Variants in CACNA1C observed in about 807,000 individuals in gnomAD.
CACNA1C encodes the protein calcium voltage-gated channel subunit alpha1 C.
CACNA1C carries 30 observed loss-of-function variants against 229.0 expected under a neutral mutation model. The observed-to-expected ratio is 0.13, with a 90% CI of 0.10 to 0.18. The LOEUF (loss-of-function observed/expected upper bound fraction) is 0.18, where lower values mean the gene tolerates loss of function less well. Ranked by LOEUF, CACNA1C falls within the 10% of genes least tolerant of loss-of-function variation. The pLI is 1.00. For synonymous variants in CACNA1C, 1,114 were observed against 1,132.5 expected (o/e 0.98, Z 0.33); for missense variants, 1,658 against 2,845.0 (o/e 0.58, Z 9.49).
intron 9 of CACNA1C, among the ~76,000 whole-genome samples, chr12:2,535,692 C>G (rs2099852244): frequency 2.3e-5 from 2 of 88,766 alleles, no homozygotes; most frequent in African/African-American, 8.6e-5. Context: ...GGTGACAGAG[C>G]AAGACCCTGT....
chr12:2,496,570 A>G (rs1300952179), intron 7 of CACNA1C, among the ~76,000 whole-genome samples: 1 of 152,230 alleles, frequency 6.6e-6, no homozygotes, highest in Non-Finnish European at 1.5e-5. Flanking sequence ...TGGATGATAC[A>G]GTATCTTTCT....
chr12:2,384,991 C>T (rs2154546655), intron 3 of CACNA1C, among the ~76,000 whole-genome samples: 1 of 152,266 alleles, frequency 6.6e-6, no homozygotes, highest in Non-Finnish European at 1.5e-5. Flanking sequence ...AGCCAACTGA[C>T]CGTGAAAGGA....
upstream of CACNA1C, among the ~76,000 whole-genome samples, chr12:2,052,541 G>C (rs1326044375): frequency 3.3e-5 from 5 of 149,580 alleles, no homozygotes; most frequent in African/African-American, 4.9e-5. Flanking sequence ...AGGAGAGAAC[G>C]CGGGCGGGGG....
chr12:2,422,429 C>T (rs2154556448), intron 3 of CACNA1C, among the ~76,000 whole-genome samples: 1 of 151,842 alleles, frequency 6.6e-6, no homozygotes, highest in East Asian at 1.9e-4. Flanking sequence ...TGGTGCCTCC[C>T]CAGCCATCTG....
chr12:2,317,139 T>C (rs1025340472), intron 3 of CACNA1C, among the ~76,000 whole-genome samples: 3 of 152,192 alleles, frequency 2.0e-5, no homozygotes, highest in African/African-American at 7.2e-5. Flanking sequence ...TCTCATACCA[T>C]CTAACAATTC....
chr12:2,240,835 C>T (rs1281883753), intron 3 of CACNA1C, among the ~76,000 whole-genome samples: 1 of 152,028 alleles, frequency 6.6e-6, no homozygotes, highest in African/African-American at 2.4e-5. Context: ...CCAGAGCTCC[C>T]CTCAGCAGTG....
chr12:2,465,580 A>C (rs1252198428), intron 5 of CACNA1C, among the ~76,000 whole-genome samples: 3 of 152,204 alleles, frequency 2.0e-5, no homozygotes, highest in African/African-American at 7.2e-5. Context: ...CGTGAGAGCC[A>C]GGAGACAAAA....
At chr12:2,644,578 C>T (rs2094133395) in intron 30 of CACNA1C, among the ~76,000 whole-genome samples, 2 of 152,108 alleles carry the variant, frequency 1.3e-5, no homozygotes, top group South Asian at 2.1e-4. Context: ...ACACATCCTG[C>T]GGCCTCCCAC....
At chr12:2,515,613 G>A (rs945657578) in intron 9 of CACNA1C, among the ~76,000 whole-genome samples, 2 of 152,172 alleles carry the variant, frequency 1.3e-5, no homozygotes, top group African/African-American at 2.4e-5. Flanking sequence ...TGGTGACTCC[G>A]CTTCTCCCCT....
intron 9 of CACNA1C, among the ~76,000 whole-genome samples, chr12:2,528,490 A>G (rs1464657991): frequency 6.6e-6 from 1 of 152,158 alleles, no homozygotes; most frequent in Non-Finnish European, 1.5e-5. Context: ...TCTTCCAACG[A>G]TCCTCTGCAC....
In CACNA1C at chr12:1,971,254, T is replaced by A; in HGVS notation, c.139+53T>A. 1 of 993,410 alleles carries A rather than the reference T, an allele frequency of 1.0e-6. No individual in the cohort carries two copies. The highest frequency in any genetic ancestry group is 1.4e-6 in the Non-Finnish European group (1 of 722,922). The allele number at this position is 993,410 out of a possible 1,614,324, so 61.5% of individuals were successfully genotyped here. On this transcript the variant is annotated intron_variant, in intron 1 of 46. Coordinates refer to the CACNA1C transcript ENST00000682462. The surrounding 1 kb of genome is among the most constrained non-coding windows in gnomAD (Gnocchi z 4.2). ...GTAGGAAGAACATGTTGAAATTTAC[T>A]CTAAATATCCTAATGATACCTAGAA...
intron 3 of CACNA1C, among the ~76,000 whole-genome samples, chr12:2,129,367 A>G (rs958281388): frequency 1.3e-5 from 2 of 152,196 alleles, no homozygotes; most frequent in African/African-American, 4.8e-5. Context: ...CTCACTAAAT[A>G]TTTCAGAGAG....
In CACNA1C at chr12:2,611,954, C is replaced by T. The variant is rs924476608; in HGVS notation, c.3769C>T (p.Leu1257Phe). 1 of 1,613,666 alleles carries T rather than the reference C, an allele frequency of 6.2e-7. No homozygotes were observed. The highest frequency in any genetic ancestry group is 8.5e-7 in the Non-Finnish European group (1 of 1,179,702). The change falls in exon 29 of 47, where the codon CTC becomes TTC. Residue 1257 changes from leucine to phenylalanine, a missense_variant. By Grantham distance (22) the Leu-to-Phe change is conservative. Coordinates refer to ENST00000399655, the MANE Select transcript of CACNA1C (RefSeq NM_000719.7). ...FKIAMNILNMLFTGLFTVEMI... is the reference protein window; with the variant it reads ...FKIAMNILNMFFTGLFTVEMI... ...AATCGCCATGAACATCCTCAACATG[C>T]TCTTCACTGGCCTCTTCACCGTGGA...
At chr12:2,192,368 C>T (rs931511653) in intron 3 of CACNA1C, among the ~76,000 whole-genome samples, 2 of 152,210 alleles carry the variant, frequency 1.3e-5, no homozygotes, top group African/African-American at 2.4e-5. Flanking sequence ...GTTCAGCCCT[C>T]TCCAGTCCCC....
chr12:2,065,801 GTGGGATGGCC>G (rs2059066892), intron 1 of CACNA1C, among the ~76,000 whole-genome samples: 1 of 152,194 alleles, frequency 6.6e-6, no homozygotes, highest in Non-Finnish European at 1.5e-5. Flanking sequence ...AACAGAAAGG[GTGGGATGGCC>G]TGTAATGTAT....
chr12:2,463,353 C>G (rs2154566270), intron 5 of CACNA1C, among the ~76,000 whole-genome samples: 1 of 152,270 alleles, frequency 6.6e-6, no homozygotes, highest in Admixed American at 6.5e-5. Flanking sequence ...TGAGTACTTA[C>G]TTTATGTAAG....
intron 3 of CACNA1C, chr12:2,221,560 T>G (rs2061475155): frequency 6.6e-6 from 1 of 152,228 alleles, no homozygotes; most frequent in African/African-American, 2.4e-5. Flanking sequence ...TCAAGAGTGT[T>G]GGGAAGTTGG....
chr12:2,090,091 C>T (rs777700347), intron 1 of CACNA1C, among the ~76,000 whole-genome samples: 1 of 152,036 alleles, frequency 6.6e-6, no homozygotes, highest in Non-Finnish European at 1.5e-5. Flanking sequence ...CCCATTTCTC[C>T]CTGCCTCCAG....
chr12:2,009,974 C>A (rs866908119), intron 1 of CACNA1C, among the ~76,000 whole-genome samples: 9 of 148,132 alleles, frequency 6.1e-5, no homozygotes, highest in African/African-American at 2.2e-4. Flanking sequence ...CAATGTACTG[C>A]AAATAGAAAA....
Sources: gnomAD v4.1 joint callset for allele counts (sites outside exome capture counted in the v4.1 genomes callset) on GRCh38, gnomAD v4.1.1 for gene constraint, Gnocchi (gnomAD v3.1) non-coding constraint, MANE v1.5 for transcripts, NCBI Gene and HGNC (gene_info 2026-07-23, HGNC 2026-07-21) for gene names.